CREB3L4: variants seen among roughly 807,000 people sequenced by gnomAD.
CREB3L4 encodes the protein cAMP responsive element binding protein 3 like 4.
A neutral mutation model predicts 37.0 loss-of-function variants in CREB3L4; 28 were observed. The observed-to-expected ratio is 0.76, with a 90% CI of 0.56 to 1.04. The LOEUF (loss-of-function observed/expected upper bound fraction) is 1.04, where lower values mean the gene tolerates loss of function less well. Among genes scored for constraint, CREB3L4 ranks in the 50% least tolerant of loss-of-function variants. The probability of loss-of-function intolerance (pLI) is 0.00; values close to 1 mark genes in which losing one functional copy is unlikely to be tolerated. For missense variants in CREB3L4, 462 were observed against 486.0 expected (o/e 0.95, Z 0.46); for synonymous variants, 175 against 192.2 (o/e 0.91, Z 0.74).
rs774005803 is a variant in CREB3L4 at position 153,973,821 on chromosome 1, C to T, written c.995-51C>T. ...AGGGAGGTCCTGTCCTGTCTAGGGTCTCCCACCCAGGGGAGCACTCTACTA... is the reference window on the plus strand; with the variant it reads ...AGGGAGGTCCTGTCCTGTCTAGGGTTTCCCACCCAGGGGAGCACTCTACTA... On this transcript the variant is annotated intron_variant, in intron 9 of 9. Transcript: ENST00000368607. 8 of 1,586,656 alleles carry T rather than the reference C, an allele frequency of 5.0e-6. No individual in the cohort carries two copies. The South Asian group carries it at 8.9e-5, about 18-fold the overall frequency.
At position 153,968,708 on chromosome 1, in the gene CREB3L4, G is replaced by T; in HGVS notation, c.174+9G>T. The T allele has an allele frequency of 1.2e-6, 2 of 1,613,792 alleles. No individual in the cohort carries two copies. Among genetic ancestry groups the T allele is most frequent in the South Asian group, 2.2e-5 (2 of 91,072 alleles). On this transcript the variant is annotated intron_variant, in intron 2 of 9. Transcript: ENST00000368607. Reference sequence around the variant, plus strand: ...GTGGGGACCGTGGCTGTGTGAGTGTGACGAGTGGGAGTGGGGGTGGGGTTG... The same window carrying T: ...GTGGGGACCGTGGCTGTGTGAGTGTTACGAGTGGGAGTGGGGGTGGGGTTG...
Position 153,973,377 on chromosome 1 carries a change from C to T in CREB3L4, c.813-3C>T, listed in dbSNP as rs1187809951. 6.2e-7 allele frequency: 1 copy of T among 1,614,052 alleles called. No individual in the cohort carries two copies. The highest frequency in any genetic ancestry group is 1.1e-5 in the South Asian group (1 of 91,080). ...TACTAACTCTTCATTCCTCCTTTCCCAGCTCCTTGGTAGCTCAGCTCCGCC... is the reference window on the plus strand; with the variant it reads ...TACTAACTCTTCATTCCTCCTTTCCTAGCTCCTTGGTAGCTCAGCTCCGCC... On this transcript the variant is annotated splice_polypyrimidine_tract_variant and splice_region_variant and intron_variant, in intron 7 of 9. Coordinates refer to ENST00000368607, the MANE Select transcript of CREB3L4 (RefSeq NM_001255978.2).
At chr1:153,968,431 A>T (rs899721055) in intron 1 of CREB3L4, 91 bp from the exon 2 acceptor site, 1 of 1,206,796 alleles carries the variant, frequency 8.3e-7, no homozygotes, top group African/African-American at 1.5e-5. Context: ...GGATAATGGA[A>T]AAGGGAGCAG....
chr1:153,971,984 T>TG (rs1557885126), intron 4 of CREB3L4, among the ~76,000 whole-genome samples: 1 of 152,038 alleles, frequency 6.6e-6, no homozygotes, highest in African/African-American at 2.4e-5. Context: ...CACCACGCCC[T>TG]GCTAATTTTT....
chr1:153,968,271 G>T, intron 1 of CREB3L4, 107 bp downstream of exon 1: 1 of 377,400 alleles, frequency 2.6e-6, no homozygotes, highest in Non-Finnish European at 4.8e-6. Context: ...GGAGGTCAAC[G>T]GGCTATGCTG....
intron 9 of CREB3L4, 40 bp from the exon 10 acceptor site, chr1:153,973,832 G>C: frequency 6.2e-7 from 1 of 1,600,648 alleles, no homozygotes; most frequent in Non-Finnish European, 8.6e-7. Flanking sequence ...TCCCACCCAG[G>C]GGAGCACTCT....
At position 153,968,569 on chromosome 1, in the gene CREB3L4, C is replaced by G; in HGVS notation, c.44C>G (p.Pro15Arg). ...IPDLLDAWLE[P>R]PEDIFSTGSV... ...GACCTGCTGGACGCGTGGCTGGAGC[C>G]CCCAGAGGATATCTTCTCGACAGGA... is the stretch of plus-strand genomic sequence containing the variant. The change falls in exon 2 of 10, where the codon CCC (proline) becomes CGC (arginine). Residue 15 changes from proline to arginine, a missense_variant. Pro to Arg is a moderately radical substitution (Grantham distance 103). Coordinates refer to ENST00000368607, the MANE Select transcript of CREB3L4 (RefSeq NM_001255978.2). The G allele has an allele frequency of 6.2e-7, 1 of 1,614,078 alleles. No homozygotes were observed. The highest frequency in any genetic ancestry group is 8.5e-7 in the Non-Finnish European group (1 of 1,180,010).
intron 1 of CREB3L4, 136 bp from the exon 2 acceptor site, chr1:153,968,386 G>T (rs1647965802): frequency 2.8e-6 from 2 of 715,410 alleles, no homozygotes; most frequent in African/African-American, 1.8e-5. Flanking sequence ...GGACAGGTGA[G>T]GGGGCTTGCT....
At position 153,969,452 on chromosome 1, in the gene CREB3L4, C is replaced by A; in HGVS notation, c.540C>A (p.Thr180=). 6.2e-7 allele frequency: 1 copy of A among 1,614,054 alleles called. No homozygotes were observed. Among genetic ancestry groups the A allele is most frequent in the East Asian group, 2.2e-5 (1 of 44,878 alleles). ...AGTVAPVPCT[T]LLPCQTLFLT... ...CCGTAGCCCCAGTGCCCTGTACAAC[C>A]CTGGTGAGTCTTGGTGTCAGCCAGA... The change falls in exon 4 of 10, where the codon ACC becomes ACA. Residue 180 remains threonine, a synonymous_variant. Transcript: ENST00000368607.
chr1:153,969,564 G>A (rs754299963), intron 4 of CREB3L4, 109 bp downstream of exon 4: 26 of 1,339,760 alleles, frequency 1.9e-5, no homozygotes, highest in East Asian at 2.3e-5. Context: ...CCTTTGCCCC[G>A]GTTTTTGTGG....
chr1:153,968,347 G>A (rs1435490781), intron 1 of CREB3L4, 175 bp from the exon 2 acceptor site: 2 of 597,282 alleles, frequency 3.3e-6, no homozygotes, highest in Non-Finnish European at 5.9e-6. Context: ...CTAAACCTGA[G>A]GGATAGGGCT....
At chr1:153,968,429 G>T in intron 1 of CREB3L4, 93 bp from the exon 2 acceptor site, 1 of 1,179,356 alleles carries the variant, frequency 8.5e-7, no homozygotes, top group Non-Finnish European at 1.2e-6. Flanking sequence ...GGGGATAATG[G>T]AAAAGGGAGC....
chr1:153,969,317 C>T lies in CREB3L4; in HGVS notation c.422-17C>T. On this transcript the variant is annotated splice_polypyrimidine_tract_variant and intron_variant, in intron 3 of 9. Coordinates refer to ENST00000368607, the MANE Select transcript of CREB3L4 (RefSeq NM_001255978.2). Reference sequence around the variant, plus strand: ...TCCTAAGTCTCCTTTCTCCCAGCTACCTGTTTTCTACTCCAGATCAGTGGA... The same window carrying T: ...TCCTAAGTCTCCTTTCTCCCAGCTATCTGTTTTCTACTCCAGATCAGTGGA... 1.2e-6 allele frequency: 2 copies of T among 1,614,248 alleles called. No individual in the cohort carries two copies.
At chr1:153,971,852 C>T (rs1400376235) in intron 4 of CREB3L4, among the ~76,000 whole-genome samples, 2 of 151,962 alleles carry the variant, frequency 1.3e-5, no homozygotes, top group African/African-American at 4.8e-5. Flanking sequence ...GATGGAGTTT[C>T]GCTCTTGTTG....
chr1:153,972,896 C>A, intron 5 of CREB3L4, 60 bp downstream of exon 5: 1 of 1,598,222 alleles, frequency 6.3e-7, no homozygotes, highest in Non-Finnish European at 8.6e-7. Context: ...CTCTGAGGGG[C>A]CAATATCCCA....
At chr1:153,970,717 G>T (rs901122484) in intron 4 of CREB3L4, among the ~76,000 whole-genome samples, 2 of 143,582 alleles carry the variant, frequency 1.4e-5, no homozygotes, top group East Asian at 2.3e-4. Context: ...GGGACCAGAA[G>T]CCAAGCTAAG....
At chr1:153,972,885 CCT>C (rs1648526145) in intron 5 of CREB3L4, 49 bp downstream of exon 5, 1 of 1,600,128 alleles carries the variant, frequency 6.2e-7, no homozygotes, top group African/African-American at 1.3e-5. Flanking sequence ...CTCACCATGA[CCT>C]CTGAGGGGCC....
Position 153,973,234 on chromosome 1 carries a change from A to G in CREB3L4, c.783A>G (p.Lys261=), listed in dbSNP as rs745525502. ...ACSAQNQELQ[K]KVQELERHNI... Reference sequence around the variant, plus strand: ...CTGCACAGAACCAAGAATTACAGAAAAAAGTCCAGGAGCTGGAGAGGCACA... The same window carrying G: ...CTGCACAGAACCAAGAATTACAGAAGAAAGTCCAGGAGCTGGAGAGGCACA... Residue 261 remains lysine, a synonymous_variant, in exon 7 of 10, where the codon AAA becomes AAG. Coordinates refer to ENST00000368607, the MANE Select transcript of CREB3L4 (RefSeq NM_001255978.2). 3.1e-6 allele frequency: 5 copies of G among 1,614,014 alleles called. No individual in the cohort carries two copies. The highest frequency in any genetic ancestry group is 1.7e-5 in the Admixed American group (1 of 59,990).
intron 4 of CREB3L4, 40 bp downstream of exon 4, chr1:153,969,495 C>T (rs772663636): frequency 3.1e-6 from 5 of 1,605,300 alleles, no homozygotes; most frequent in East Asian, 4.5e-5. Context: ...CTCCTTGATA[C>T]ATATATAATC....
Sources: allele counts gnomAD v4.1 joint callset (sites outside exome capture counted in the v4.1 genomes callset), GRCh38; gene constraint gnomAD v4.1.1; transcripts MANE v1.5; gene names NCBI Gene and HGNC (gene_info 2026-07-23, HGNC 2026-07-21).